CDK5RAP3: variants seen among roughly 807,000 people sequenced by gnomAD.
CDK5RAP3 encodes CDK5 regulatory subunit associated protein 3, also known as CDK5 regulatory subunit-associated protein 3.
Under a neutral mutation model 73.3 loss-of-function variants are expected in CDK5RAP3, and 58 were observed. That is an observed-to-expected ratio of 0.79 (90% CI 0.64 to 0.98). The LOEUF (loss-of-function observed/expected upper bound fraction) is 0.98, where lower values mean the gene tolerates loss of function less well. CDK5RAP3 is among the 50% of genes least tolerant of loss of function. The pLI is 0.00. For synonymous variants in CDK5RAP3, 224 were observed against 247.5 expected (o/e 0.91, Z 0.89); for missense variants, 525 against 615.8 (o/e 0.85, Z 1.56).
intron 4 of CDK5RAP3, 142 bp downstream of exon 4, chr17:47,974,173 C>T (rs1032651671): frequency 8.3e-6 from 6 of 722,562 alleles, no homozygotes; most frequent in Non-Finnish European, 1.4e-5. Flanking sequence ...CTATAGTTTA[C>T]TCCAAAAGTG....
chr17:47,976,109 A>C lies in CDK5RAP3; in HGVS notation c.798+96A>C, dbSNP rs2036406793. Reference sequence around the variant, plus strand: ...CCCAACCCAAGACCCAGAGAGAAGAAGGGAGGATTTCTGTGAGAGTGACTG... The same window carrying C: ...CCCAACCCAAGACCCAGAGAGAAGACGGGAGGATTTCTGTGAGAGTGACTG... On this transcript the variant is annotated intron_variant, in intron 8 of 13. Transcript: ENST00000338399. 44 of 1,457,312 alleles carry C rather than the reference A, an allele frequency of 3.0e-5. No individual in the cohort carries two copies. The South Asian group carries it at 5.5e-4, about 18-fold the overall frequency. 90.3% of individuals were successfully genotyped at this position (1,457,312 alleles called of 1,614,324 possible).
upstream of CDK5RAP3, among the ~76,000 whole-genome samples, chr17:47,969,835 C>G (rs953680534): frequency 1.3e-5 from 2 of 152,158 alleles, no homozygotes; most frequent in African/African-American, 4.8e-5. Context: ...CATTGCCAGA[C>G]TAGGTTCAAA....
intron 3 of CDK5RAP3, 103 bp downstream of exon 3, chr17:47,973,753 G>GA: frequency 6.8e-7 from 1 of 1,471,548 alleles, no homozygotes; most frequent in Non-Finnish European, 9.3e-7. Context: ...GGCCTTTAGA[G>GA]AGGGAGCGAT....
At chr17:47,973,894 T>TAA (rs1687766732) in intron 3 of CDK5RAP3, 37 bp from the exon 4 acceptor site, 1 of 1,509,880 alleles carries the variant, frequency 6.6e-7, no homozygotes, top group Admixed American at 1.7e-5. Flanking sequence ...GTGAAGAAGA[T>TAA]ACTTTAGTTC....
chr17:47,975,872 C>T lies in CDK5RAP3; in HGVS notation c.657C>T (p.Pro219=), dbSNP rs2036396890. 5.6e-6 allele frequency: 9 copies of T among 1,614,030 alleles called. No individual in the cohort carries two copies. The highest frequency in any genetic ancestry group is 1.7e-5 in the Admixed American group (1 of 60,002). ...QASVGFVCES[P]TEQVLPMLRF... is the part of the protein sequence containing the mutation. Reference sequence around the variant, plus strand: ...TCAGTTGTGTGCTCTGTTGAAGCCCCACAGAGCAGGTGTTGCCAATGCTGC... The same window carrying T: ...TCAGTTGTGTGCTCTGTTGAAGCCCTACAGAGCAGGTGTTGCCAATGCTGC... The change falls in exon 8 of 14, where the codon CCC becomes CCT. Residue 219 remains proline (P), a synonymous_variant. Transcript: ENST00000338399.
intron 9 of CDK5RAP3, 136 bp downstream of exon 9, chr17:47,976,958 A>G: frequency 2.0e-6 from 1 of 505,980 alleles, no homozygotes. Flanking sequence ...GCAGAGTTTC[A>G]CACGTCACAT....
chr17:47,978,790 C>A (rs776635608), intron 10 of CDK5RAP3, 39 bp from the exon 11 acceptor site: 2 of 1,509,042 alleles, frequency 1.3e-6, no homozygotes, highest in East Asian at 4.5e-5. Flanking sequence ...CTTCTCCAGT[C>A]CTCTGATCCT....
Position 47,978,881 on chromosome 17 carries a change from T to C in CDK5RAP3, c.1041T>C (p.Thr347=). The change falls in exon 11 of 14, where the codon ACT becomes ACC. Residue 347 remains threonine (T), a synonymous_variant. Coordinates refer to ENST00000338399, the MANE Select transcript of CDK5RAP3 (RefSeq NM_176096.3). ...ATGCCCTGACACTGCTTGAATACAC[T>C]GAGACCCGGAATCAGTTCCTTGATG... ...GPDALTLLEY[T]ETRNQFLDEL... 6.2e-7 allele frequency: 1 copy of C among 1,613,954 alleles called. No homozygotes were observed. The highest frequency in any genetic ancestry group is 1.1e-5 in the South Asian group (1 of 91,076).
At chr17:47,971,455 G>A in intron 2 of CDK5RAP3, 48 bp downstream of exon 2, 2 of 1,526,716 alleles carry the variant, frequency 1.3e-6, no homozygotes. Context: ...GGAGGCCTGT[G>A]CGTTGCCCCC....
chr17:47,973,747 T>G, intron 3 of CDK5RAP3, 97 bp downstream of exon 3: 1 of 1,506,146 alleles, frequency 6.6e-7, no homozygotes, highest in Non-Finnish European at 9.1e-7. Context: ...AGGGCTGGCC[T>G]TTAGAGAGGG....
chr17:47,972,196 A>T (rs1205545468), intron 2 of CDK5RAP3, among the ~76,000 whole-genome samples: 1 of 152,040 alleles, frequency 6.6e-6, no homozygotes, highest in Non-Finnish European at 1.5e-5. Flanking sequence ...TTTAGTGTCC[A>T]GGCCATCTCC....
chr17:47,977,627 G>A (rs1051683506), intron 9 of CDK5RAP3, among the ~76,000 whole-genome samples: 3 of 152,162 alleles, frequency 2.0e-5, no homozygotes, highest in African/African-American at 7.2e-5. Context: ...TTTGGTACAG[G>A]GTGTAGGGGT....
At chr17:47,980,545 G>A in intron 11 of CDK5RAP3, 48 bp from the exon 12 acceptor site, 2 of 1,566,294 alleles carry the variant, frequency 1.3e-6, no homozygotes, top group Non-Finnish European at 1.8e-6. Context: ...GGAATTGCAA[G>A]TGTGAGCCAT....
chr17:47,976,123 TGA>T (rs1438294152), intron 8 of CDK5RAP3, 110 bp downstream of exon 8: 60 of 1,369,840 alleles, frequency 4.4e-5, no homozygotes, highest in Non-Finnish European at 5.9e-5. Context: ...AGGATTTCTG[TGA>T]GAGTGACTGT....
chr17:47,979,227 G>T, intron 11 of CDK5RAP3: 1 of 265,742 alleles, frequency 3.8e-6, no homozygotes, highest in Non-Finnish European at 7.2e-6. Context: ...AATAAAATAT[G>T]CAGGATGCTA....
upstream of CDK5RAP3, chr17:47,970,865 C>A: frequency 7.1e-7 from 1 of 1,416,324 alleles, no homozygotes; most frequent in Non-Finnish European, 9.4e-7. Flanking sequence ...CCCACGGCCG[C>A]TGCAGCGCAC....
Position 47,981,427 on chromosome 17 carries a change from A to T in CDK5RAP3, c.1456-10A>T. The T allele has an allele frequency of 6.2e-7, 1 of 1,614,080 alleles. No homozygotes were observed. Among genetic ancestry groups the T allele is most frequent in the Non-Finnish European group, 8.5e-7 (1 of 1,179,990 alleles). ...CCCCTGCTTCTGCCCACTTGGTATC[A>T]CTCTTTCAGATTGAAGCTGACATCT... is the stretch of plus-strand genomic sequence containing the variant. On this transcript the variant is annotated splice_polypyrimidine_tract_variant and intron_variant, in intron 13 of 13. Coordinates refer to ENST00000338399, the MANE Select transcript of CDK5RAP3 (RefSeq NM_176096.3).
chr17:47,976,645 T>C (rs978421838), intron 8 of CDK5RAP3, 67 bp from the exon 9 acceptor site: 8 of 1,101,958 alleles, frequency 7.3e-6, no homozygotes, highest in Non-Finnish European at 1.1e-5. Context: ...GTTACAGACA[T>C]GAGCCACCAT....
chr17:47,977,439 C>T (rs1016597992), intron 9 of CDK5RAP3, among the ~76,000 whole-genome samples: 21 of 152,302 alleles, frequency 1.4e-4, no homozygotes, highest in Non-Finnish European at 3.1e-4. Context: ...TGAGCCACCG[C>T]GCCCGGCTAA....
Sources: gnomAD v4.1 joint callset for allele counts (sites outside exome capture counted in the v4.1 genomes callset) on GRCh38, gnomAD v4.1.1 for gene constraint, MANE v1.5 for transcripts, NCBI Gene and HGNC (gene_info 2026-07-23, HGNC 2026-07-21) for gene names.